The following STXBP4 variants were observed in gnomAD, a reference collection of about 807,000 sequenced individuals.
STXBP4 encodes syntaxin binding protein 4, also known as syntaxin-binding protein 4.
In STXBP4, 55 loss-of-function variants were observed where a neutral mutation model predicts 76.1. The ratio of observed to expected loss-of-function variants is 0.72; its 90% CI spans 0.58 to 0.91. The LOEUF (loss-of-function observed/expected upper bound fraction) is 0.91, where lower values mean the gene tolerates loss of function less well. STXBP4 is among the 40% of genes least tolerant of loss of function. The pLI, the probability that STXBP4 is intolerant of heterozygous loss-of-function variation, is 0.00. For missense variants in STXBP4, 618 were observed against 636.9 expected, an observed-to-expected ratio of 0.97 and a Z score of 0.32; for synonymous variants, 201 against 220.2, an observed-to-expected ratio of 0.91 and a Z score of 0.77.
chr17:54,992,814 G>A (rs933878913), intron 4 of STXBP4, among the ~76,000 whole-genome samples: 3 of 148,512 alleles, frequency 2.0e-5, no homozygotes, highest in Admixed American at 6.9e-5. Flanking sequence ...AGGTTCAAGC[G>A]ATTCTCCCAC....
chr17:55,131,509 A>G (rs1346446152), intron 16 of STXBP4, among the ~76,000 whole-genome samples: 3 of 152,174 alleles, frequency 2.0e-5, no homozygotes, highest in Admixed American at 6.5e-5. Flanking sequence ...GTGTCTACCT[A>G]TTGCTCTCAG....
intron 16 of STXBP4, among the ~76,000 whole-genome samples, chr17:55,113,264 A>ACAC (rs2079743709): frequency 6.9e-6 from 1 of 144,240 alleles, no homozygotes. Flanking sequence ...CACACACACG[A>ACAC]GGTAGCTATA....
chr17:55,154,921 A>G (rs2080260217), intron 17 of STXBP4, among the ~76,000 whole-genome samples: 2 of 152,072 alleles, frequency 1.3e-5, no homozygotes, highest in Non-Finnish European at 2.9e-5. Flanking sequence ...AGAAATTACC[A>G]TAAATATATA....
chr17:55,198,971 T>C, the STXBP4 span, among the ~76,000 whole-genome samples: 1 of 152,214 alleles, frequency 6.6e-6, no homozygotes, highest in Non-Finnish European at 1.5e-5. Context: ...GACACAGTCT[T>C]TCTATGCCAA....
At chr17:55,129,546 AG>A (rs2145118044) in intron 16 of STXBP4, among the ~76,000 whole-genome samples, 1 of 152,204 alleles carries the variant, frequency 6.6e-6, no homozygotes, top group Non-Finnish European at 1.5e-5. Context: ...TGGGCAACAC[AG>A]GGATATTTTA....
At chr17:55,034,561 G>A (rs988235604) in intron 10 of STXBP4, among the ~76,000 whole-genome samples, 1 of 152,046 alleles carries the variant, frequency 6.6e-6, no homozygotes, top group East Asian at 1.9e-4. Flanking sequence ...ATGTGTGCAT[G>A]TGTCCATTCT....
At chr17:55,118,806 A>G (rs1248082527) in intron 16 of STXBP4, among the ~76,000 whole-genome samples, 1 of 151,800 alleles carries the variant, frequency 6.6e-6, no homozygotes, top group Non-Finnish European at 1.5e-5. Context: ...CTTTAAATAC[A>G]TGTGCTTTTC....
chr17:55,074,097 G>A lies in STXBP4; in HGVS notation c.1188+1021G>A, dbSNP rs554482485. Among the ~76,000 whole-genome samples, 6 of 152,052 alleles carry A rather than the reference G, an allele frequency of 3.9e-5. No individual in the cohort carries two copies. The South Asian group carries it at 1.3e-3, about 32-fold the overall frequency. On this transcript the variant is annotated intron_variant, in intron 13 of 17. Coordinates refer to ENST00000376352, the MANE Select transcript of STXBP4 (RefSeq NM_178509.6). ...ATTTGTTCACTTACAAACATAACTGGTTATGTATATCTCTAATCCAATCAG... is the reference window on the plus strand; with the variant it reads ...ATTTGTTCACTTACAAACATAACTGATTATGTATATCTCTAATCCAATCAG...
At chr17:55,193,666 A>T in the STXBP4 span, among the ~76,000 whole-genome samples, 1 of 152,184 alleles carries the variant, frequency 6.6e-6, no homozygotes, top group Admixed American at 6.6e-5. Context: ...AAAACAAAAC[A>T]AAAACCCCTA....
At chr17:55,078,580 C>G (rs1257380024) in intron 14 of STXBP4, 106 bp from the exon 15 acceptor site, 1 of 686,256 alleles carries the variant, frequency 1.5e-6, no homozygotes, top group Non-Finnish European at 2.5e-6. Context: ...ATAGAAGCAT[C>G]AGTTTAATCC....
chr17:54,989,608 A>G (rs1169845761), intron 3 of STXBP4, among the ~76,000 whole-genome samples: 2 of 152,198 alleles, frequency 1.3e-5, no homozygotes, highest in Non-Finnish European at 2.9e-5. Context: ...TAAGAATCTT[A>G]AGGATTTTAT....
At chr17:55,108,070 A>G (rs1005597139) in intron 16 of STXBP4, among the ~76,000 whole-genome samples, 1 of 152,210 alleles carries the variant, frequency 6.6e-6, no homozygotes, top group African/African-American at 2.4e-5. Flanking sequence ...AGTTTTATCT[A>G]TAAGCCCCTG....
At chr17:55,106,859 C>T (rs2079641360) in intron 16 of STXBP4, among the ~76,000 whole-genome samples, 1 of 152,180 alleles carries the variant, frequency 6.6e-6, no homozygotes. Context: ...TCTCTGGCTG[C>T]CCTTAACATT....
chr17:55,182,319 A>T, the STXBP4 span, among the ~76,000 whole-genome samples: 1 of 152,198 alleles, frequency 6.6e-6, no homozygotes, highest in Non-Finnish European at 1.5e-5. Context: ...GATATAACCA[A>T]AATTAAGAAC....
rs1347891530 is a variant in STXBP4 at position 55,169,361 on chromosome 17, ATGGGGG to A, written c.*9467_*9472del. ...ATACCTCTGCACCATCAGTTATTGA[ATGGGGG>A]TGGGGGTGGGGGTGGGTGTAAATTT... On this transcript the variant is annotated 3_prime_UTR_variant, in exon 18 of 18. Transcript: ENST00000376352. 9.6e-5 allele frequency: 4 copies of A among 41,868 alleles called. No homozygotes were observed. Among genetic ancestry groups the A allele is most frequent in the African/African-American group, 2.0e-4 (2 of 10,000 alleles). The allele number at this position is 41,868 out of a possible 1,614,324, so 2.6% of individuals were successfully genotyped here.
chr17:55,123,100 G>A (rs2079864681), intron 16 of STXBP4, among the ~76,000 whole-genome samples: 1 of 152,124 alleles, frequency 6.6e-6, no homozygotes, highest in South Asian at 2.1e-4. Context: ...AGAAAAGTAT[G>A]CTCAAATTTT....
chr17:55,186,000 C>G, the STXBP4 span, among the ~76,000 whole-genome samples: 1 of 152,132 alleles, frequency 6.6e-6, no homozygotes, highest in African/African-American at 2.4e-5. Context: ...TGGACTTTAT[C>G]CTGAAGATGA....
At chr17:55,102,621 T>C (rs1488111462) in intron 16 of STXBP4, among the ~76,000 whole-genome samples, 1 of 152,244 alleles carries the variant, frequency 6.6e-6, no homozygotes, top group Admixed American at 6.5e-5. Context: ...GAATGATTTA[T>C]AATCCTTTGG....
At chr17:55,086,390 T>C (rs1013935515) in intron 16 of STXBP4, among the ~76,000 whole-genome samples, 4 of 152,178 alleles carry the variant, frequency 2.6e-5, no homozygotes, top group African/African-American at 9.7e-5. Context: ...TCATTTCCTT[T>C]GGTTGGGAAC....
Sources: allele counts gnomAD v4.1 joint callset (sites outside exome capture counted in the v4.1 genomes callset), GRCh38; gene constraint gnomAD v4.1.1; transcripts MANE v1.5; gene names NCBI Gene and HGNC (gene_info 2026-07-23, HGNC 2026-07-21).